CLYBL: variants seen among roughly 807,000 people sequenced by gnomAD.
CLYBL encodes citramalyl-CoA lyase, mitochondrial.
CLYBL carries 31 observed loss-of-function variants against 38.9 expected under a neutral mutation model. The observed-to-expected ratio is 0.80, with a 90% confidence interval of 0.60 to 1.08. The LOEUF is 1.08. Among genes scored for constraint, CLYBL ranks in the 50% least tolerant of loss-of-function variants. The pLI is 0.00. For missense variants in CLYBL, 434 were observed against 411.6 expected, an observed-to-expected ratio of 1.05 and a Z score of -0.47; for synonymous variants, 171 against 158.6, an observed-to-expected ratio of 1.08 and a Z score of -0.59.
intron 1 of CLYBL, among the ~76,000 whole-genome samples, chr13:99,701,858 G>A (rs913958385): frequency 6.6e-6 from 1 of 151,488 alleles, no homozygotes; most frequent in Non-Finnish European, 1.5e-5. Context: ...TATTAGTAGA[G>A]ATGGGGATTC....
intron 1 of CLYBL, among the ~76,000 whole-genome samples, chr13:99,625,255 G>A (rs1203969346): frequency 6.6e-6 from 1 of 152,218 alleles, no homozygotes; most frequent in African/African-American, 2.4e-5. Flanking sequence ...CTGCTAACTG[G>A]CGTGGCTCTC....
intron 1 of CLYBL, among the ~76,000 whole-genome samples, chr13:99,683,635 C>T (rs1204851261): frequency 1.3e-5 from 2 of 151,874 alleles, no homozygotes; most frequent in Middle Eastern, 3.2e-3. Flanking sequence ...AGTGGAAGGT[C>T]TTTAGGGGCA....
intron 2 of CLYBL, among the ~76,000 whole-genome samples, chr13:99,838,985 A>C (rs1410357871): frequency 6.6e-6 from 1 of 152,228 alleles, no homozygotes; most frequent in East Asian, 1.9e-4. Context: ...AGCAACTGGT[A>C]TTAAGAATGG....
At chr13:99,725,899 T>C (rs2048464484) in intron 1 of CLYBL, among the ~76,000 whole-genome samples, 2 of 152,178 alleles carry the variant, frequency 1.3e-5, no homozygotes, top group Admixed American at 1.3e-4. Context: ...CTACTGCACA[T>C]GCGCACGAAG....
At chr13:99,643,984 G>A (rs1316927349) in intron 1 of CLYBL, among the ~76,000 whole-genome samples, 1 of 130,662 alleles carries the variant, frequency 7.7e-6, no homozygotes, top group East Asian at 2.1e-4. Context: ...CAGCCTGGGC[G>A]ACAGAACAAG....
chr13:99,887,510 G>C (rs887802391), intron 7 of CLYBL, among the ~76,000 whole-genome samples: 1 of 152,214 alleles, frequency 6.6e-6, no homozygotes, highest in Non-Finnish European at 1.5e-5. Context: ...TGTAATCCGA[G>C]CACTCTGGGA....
chr13:99,864,950 T>C, intron 5 of CLYBL, 39 bp downstream of exon 5: 1 of 1,287,076 alleles, frequency 7.8e-7, no homozygotes, highest in East Asian at 2.3e-5. Flanking sequence ...TCTGTGTGTG[T>C]GTGTGTATAT....
intron 1 of CLYBL, among the ~76,000 whole-genome samples, chr13:99,615,326 A>G (rs960263031): frequency 3.3e-5 from 5 of 152,266 alleles, no homozygotes; most frequent in African/African-American, 9.6e-5. Context: ...GAGGAAGCCC[A>G]TAGTGCTGGT....
intron 1 of CLYBL, among the ~76,000 whole-genome samples, chr13:99,692,245 G>A (rs898935800): frequency 4.0e-5 from 6 of 151,558 alleles, no homozygotes; most frequent in African/African-American, 1.5e-4. Flanking sequence ...GCTTTATTGA[G>A]ACATAGTTCA....
At position 99,864,738 on chromosome 13, in the gene CLYBL, CT is replaced by C. The variant is rs1276866216; in HGVS notation, c.541-79del. 90 of 929,402 alleles carry C rather than the reference CT, an allele frequency of 9.7e-5. No individual in the cohort carries two copies. In the African/African-American group the frequency reaches 1.2e-3, roughly 13 times the overall value. 57.6% of individuals were successfully genotyped at this position (929,402 alleles called of 1,614,324 possible). ...AAACTGTGTTAAGAGTCAGGTCGTC[CT>C]GTTACTGAAATGCACCGTGCCTCTT... On this transcript the variant is annotated intron_variant, in intron 4 of 8. Transcript: ENST00000339105.
intron 1 of CLYBL, among the ~76,000 whole-genome samples, chr13:99,608,067 T>C (rs2046558479): frequency 8.5e-6 from 1 of 117,958 alleles, no homozygotes; most frequent in African/African-American, 4.0e-5. Flanking sequence ...ACTTCTTTTT[T>C]TTTTTTTTTT....
At chr13:99,833,007 C>CACATATATATATATAT (rs1555314794) in intron 2 of CLYBL, among the ~76,000 whole-genome samples, 2 of 51,584 alleles carry the variant, frequency 3.9e-5, no homozygotes, top group African/African-American at 1.5e-4. Flanking sequence ...TACATACATA[C>CACATATATATATATAT]ATATATATAT....
At chr13:99,739,760 G>A (rs1299861973) in intron 1 of CLYBL, among the ~76,000 whole-genome samples, 2 of 152,184 alleles carry the variant, frequency 1.3e-5, no homozygotes, top group African/African-American at 4.8e-5. Flanking sequence ...GATCACCTGA[G>A]GTCGGGAGTT....
chr13:99,686,229 C>CT (rs2139414432), intron 1 of CLYBL, among the ~76,000 whole-genome samples: 1 of 152,296 alleles, frequency 6.6e-6, no homozygotes, highest in South Asian at 2.1e-4. Context: ...GCTACATGCT[C>CT]TGAGTTTTTC....
chr13:99,647,272 G>A (rs1210519526), intron 1 of CLYBL, among the ~76,000 whole-genome samples: 1 of 152,178 alleles, frequency 6.6e-6, no homozygotes, highest in Non-Finnish European at 1.5e-5. Context: ...TAGGACACAA[G>A]CTTGTTCATA....
At chr13:99,765,872 G>T (rs1332516782) in intron 1 of CLYBL, among the ~76,000 whole-genome samples, 24 of 123,954 alleles carry the variant, frequency 1.9e-4, no homozygotes, top group Non-Finnish European at 3.6e-4. Context: ...TTTTTTTAAA[G>T]ACAGGTTCTC....
At chr13:99,703,169 G>A (rs61974410) in intron 1 of CLYBL, among the ~76,000 whole-genome samples, 3,488 of 152,168 alleles carry the variant, frequency 0.023, 65 homozygotes, top group Middle Eastern at 0.092. Flanking sequence ...TTGTGTTTCC[G>A]GGGCTGGGCA....
chr13:99,775,929 T>C (rs893514904), intron 2 of CLYBL, among the ~76,000 whole-genome samples: 12 of 151,818 alleles, frequency 7.9e-5, no homozygotes, highest in Non-Finnish European at 1.3e-4. Context: ...TTTGGGAGGC[T>C]GAGGTGGGCA....
At chr13:99,651,068 ATCTTC>A (rs756441633) in intron 1 of CLYBL, among the ~76,000 whole-genome samples, 5 of 152,066 alleles carry the variant, frequency 3.3e-5, no homozygotes, top group Non-Finnish European at 7.4e-5. Flanking sequence ...CTGACCAAAT[ATCTTC>A]TCTTCTGATG....
Sources: gnomAD v4.1 joint callset for allele counts (sites outside exome capture counted in the v4.1 genomes callset) on GRCh38, gnomAD v4.1.1 for gene constraint, MANE v1.5 for transcripts, NCBI Gene and HGNC (gene_info 2026-07-23, HGNC 2026-07-21) for gene names.